RHCE: variants seen among roughly 807,000 people sequenced by gnomAD.
RHCE encodes blood group Rh(CE) polypeptide.
RHCE carries 22 observed loss-of-function variants against 43.8 expected under a neutral mutation model. The ratio of observed to expected loss-of-function variants is 0.50; its 90% CI spans 0.36 to 0.72. The LOEUF is 0.72. Ranked by LOEUF, RHCE falls within the 30% of genes least tolerant of loss-of-function variation. The pLI is 0.00. For missense variants in RHCE, 385 were observed against 525.4 expected, an observed-to-expected ratio of 0.73 and a Z score of 2.61; for synonymous variants, 156 against 210.7, an observed-to-expected ratio of 0.74 and a Z score of 2.25.
At chr1:25,423,559 T>C (rs898989683), upstream of RHCE, among the ~76,000 whole-genome samples, 5 of 152,212 alleles carry the variant, frequency 3.3e-5, no homozygotes, top group African/African-American at 1.2e-4. Flanking sequence ...AGAACAGAAA[T>C]GCTTTCATTA....
At position 25,390,737 on chromosome 1, in the gene RHCE, C is replaced by A; in HGVS notation, c.801+12G>T. 6.2e-7 allele frequency: 1 copy of A among 1,614,178 alleles called. No individual in the cohort carries two copies. The highest frequency in any genetic ancestry group is 1.1e-5 in the South Asian group (1 of 91,086). ...AGACCCAAGTGCTGCCCAAGGGCAG[C>A]GCCCTGCTCACCATGCTGATCTTCC... On this transcript the variant is annotated intron_variant, in intron 5 of 9. Coordinates refer to ENST00000294413, the MANE Select transcript of RHCE (RefSeq NM_020485.8).
Position 25,385,736 on chromosome 1 carries a change from G to A in RHCE, c.1048C>T (p.His350Tyr). 1 of 1,613,920 alleles carries A rather than the reference G, an allele frequency of 6.2e-7. No homozygotes were observed. The highest frequency in any genetic ancestry group is 8.5e-7 in the Non-Finnish European group (1 of 1,179,998). Residue 350 changes from histidine to tyrosine, a missense_variant, in exon 7 of 10, where the codon CAT becomes TAT. His to Tyr is a moderately conservative substitution (Grantham distance 83). Around this residue, in one of 6 missense-constraint regions of RHCE, gnomAD observed 82 missense variants for 69.2 expected, o/e 1.18. Transcript: ENST00000294413. The stretch of plus-strand genomic sequence containing the variant: ...ATGCCATTGCCGTTCCAGACAGTAT[G>A]AAGCACCAGCAGCACAATGTAGGTG... The part of the protein sequence containing the change: ...EITYIVLLVL[H>Y]TVWNGNGMIG...
At chr1:25,417,176 A>C (rs1181664540) in intron 1 of RHCE, among the ~76,000 whole-genome samples, 1 of 151,792 alleles carries the variant, frequency 6.6e-6, no homozygotes, top group Non-Finnish European at 1.5e-5. Flanking sequence ...TGCTTTTATC[A>C]TACCTAACAA....
At chr1:25,396,723 G>T (rs1160023537) in intron 3 of RHCE, among the ~76,000 whole-genome samples, 1 of 152,202 alleles carries the variant, frequency 6.6e-6, no homozygotes, top group Non-Finnish European at 1.5e-5. Context: ...AACCACCCCT[G>T]TGATCCCATC....
upstream of RHCE, among the ~76,000 whole-genome samples, chr1:25,423,995 G>C (rs1484189258): frequency 6.6e-6 from 1 of 152,114 alleles, no homozygotes; most frequent in African/African-American, 2.4e-5. Flanking sequence ...TTATGATGGC[G>C]CGAAAGCAAC....
At chr1:25,425,359 C>A (rs28412500), upstream of RHCE, among the ~76,000 whole-genome samples, 1 of 152,184 alleles carries the variant, frequency 6.6e-6, no homozygotes, top group African/African-American at 2.4e-5. Flanking sequence ...GGCATCATTA[C>A]GCTTACAAAA....
At chr1:25,424,585 A>G (rs2042791134), upstream of RHCE, among the ~76,000 whole-genome samples, 1 of 151,884 alleles carries the variant, frequency 6.6e-6, no homozygotes, top group South Asian at 2.1e-4. Flanking sequence ...ACAGGGTTTC[A>G]CCACATTGGC....
chr1:25,401,860 ATCTTT>A (rs1052463570), intron 3 of RHCE, among the ~76,000 whole-genome samples: 7 of 151,678 alleles, frequency 4.6e-5, no homozygotes, highest in African/African-American at 1.7e-4. Context: ...CTATCTATCA[ATCTTT>A]TCTTTTCTTT....
In RHCE at chr1:25,384,099, G is replaced by A. The variant is rs578161773; in HGVS notation, c.1073+1612C>T. On this transcript the variant is annotated intron_variant, in intron 7 of 9. Coordinates refer to ENST00000294413, the MANE Select transcript of RHCE (RefSeq NM_020485.8). ...TCTAACTGGGTAGGTCTGGGGTGGG[G>A]CCGTAGGTAGGGCTTGCATTTCTAA... Among the ~76,000 whole-genome samples, 13 of 150,766 alleles carry A rather than the reference G, an allele frequency of 8.6e-5. No homozygotes were observed. The South Asian group carries it at 2.8e-3, about 32-fold the overall frequency.
intron 7 of RHCE, among the ~76,000 whole-genome samples, chr1:25,379,495 ATTT>A (rs770791604): frequency 2.6e-3 from 69 of 26,992 alleles, no homozygotes; most frequent in African/African-American, 7.3e-3. Flanking sequence ...ATATATATAT[ATTT>A]TTTTTTTTTT....
chr1:25,375,974 A>G lies in RHCE; in HGVS notation c.1074-546T>C, dbSNP rs527916476. Among the ~76,000 whole-genome samples, 4 of 151,948 alleles carry G rather than the reference A, an allele frequency of 2.6e-5. No homozygotes were observed. The South Asian group carries it at 8.3e-4, about 32-fold the overall frequency. ...CCTGGATAATTTTTGTATTATTAATAGAGACGGGGTTTCACCATGTTGACC... is the reference window on the plus strand; with the variant it reads ...CCTGGATAATTTTTGTATTATTAATGGAGACGGGGTTTCACCATGTTGACC... On this transcript the variant is annotated intron_variant, in intron 7 of 9. Transcript: ENST00000294413.
At chr1:25,389,193 G>C in intron 5 of RHCE, 80 bp from the exon 6 acceptor site, 1 of 1,495,230 alleles carries the variant, frequency 6.7e-7, no homozygotes, top group Non-Finnish European at 9.2e-7. Flanking sequence ...AGCACGCTGG[G>C]AACAAGGCAA....
rs978693598 is a variant in RHCE, at chr1:25,368,893, C to G, written c.1227+1574G>C. 2.0e-4 allele frequency among the ~76,000 whole-genome samples: 30 copies of G among 151,744 alleles called. 2 individuals carry two copies. The highest frequency in any genetic ancestry group is 6.8e-4 in the African/African-American group (28 of 41,132). On this transcript the variant is annotated intron_variant, in intron 9 of 9. Transcript: ENST00000294413. Reference sequence around the variant, plus strand: ...CTCCTGCCTCAGCCTCCCGAGTAGCCGGGATTACAGGCAGCTGCCACCACG... The same window carrying G: ...CTCCTGCCTCAGCCTCCCGAGTAGCGGGGATTACAGGCAGCTGCCACCACG...
intron 7 of RHCE, among the ~76,000 whole-genome samples, chr1:25,380,798 G>C (rs1645969233): frequency 1.3e-5 from 2 of 151,974 alleles, no homozygotes; most frequent in South Asian, 4.1e-4. Flanking sequence ...AGTAATGGGA[G>C]GGGCAGTCTT....
intron 1 of RHCE, among the ~76,000 whole-genome samples, chr1:25,419,318 T>C (rs1208312476): frequency 6.6e-6 from 1 of 152,238 alleles, no homozygotes; most frequent in East Asian, 1.9e-4. Flanking sequence ...TGGATTGAAA[T>C]GAATTAAAGT....
chr1:25,429,703 G>A (rs1219567064), intron 1 of RHCE, among the ~76,000 whole-genome samples: 1 of 149,468 alleles, frequency 6.7e-6, no homozygotes, highest in South Asian at 2.1e-4. Context: ...GGGGAAAATT[G>A]GAAAACAAGC....
At chr1:25,369,459 T>A (rs184995517) in intron 9 of RHCE, among the ~76,000 whole-genome samples, 2 of 151,638 alleles carry the variant, frequency 1.3e-5, no homozygotes, top group Non-Finnish European at 2.9e-5. Context: ...ATCAGAGTGC[T>A]GCGTGAACTA....
At chr1:25,422,088 G>A (rs551788258), upstream of RHCE, among the ~76,000 whole-genome samples, 3 of 152,264 alleles carry the variant, frequency 2.0e-5, no homozygotes, top group South Asian at 4.1e-4. Context: ...TTTGTTTTTA[G>A]ACCAAGAAAC....
At chr1:25,385,425 G>A (rs868586995) in intron 7 of RHCE, 9 of 477,996 alleles carry the variant, frequency 1.9e-5, no homozygotes, top group Middle Eastern at 1.2e-3. Flanking sequence ...AATTGGCTTG[G>A]GCCTATTTGA....
Sources: gnomAD v4.1 joint callset for allele counts (sites outside exome capture counted in the v4.1 genomes callset) on GRCh38, gnomAD v4.1.1 for gene constraint, gnomAD v4.1.1 regional missense constraint, MANE v1.5 for transcripts, NCBI Gene and HGNC (gene_info 2026-07-23, HGNC 2026-07-21) for gene names.